The following ADI1 variants were observed in gnomAD, a reference collection of about 807,000 sequenced individuals.
ADI1 encodes acireductone dioxygenase 1, also known as acireductone dioxygenase.
Under a neutral mutation model 18.7 loss-of-function variants are expected in ADI1, and 21 were observed. The observed-to-expected ratio is 1.13, with a 90% CI of 0.80 to 1.62. The LOEUF (loss-of-function observed/expected upper bound fraction) is 1.62. Among genes scored for constraint, ADI1 ranks in the 40% most tolerant of loss-of-function variants. ADI1 has a pLI of 0.00. For synonymous variants in ADI1, 90 were observed against 100.1 expected (o/e 0.90, Z 0.60); for missense variants, 245 against 254.9 (o/e 0.96, Z 0.26).
intron 2 of ADI1, among the ~76,000 whole-genome samples, chr2:3,511,364 G>GT (rs1227779828): frequency 6.6e-6 from 1 of 151,516 alleles, no homozygotes; most frequent in Non-Finnish European, 1.5e-5. Context: ...AAATTACACA[G>GT]TAACTTCTTG....
In ADI1 at chr2:3,498,933, G is replaced by A. The variant is rs369579979; in HGVS notation, c.*30C>T. The A allele has an allele frequency of 1.1e-5, 18 of 1,584,256 alleles. No homozygotes were observed. The highest frequency in any genetic ancestry group is 1.0e-4 in the Admixed American group (6 of 58,270). On this transcript the variant is annotated 3_prime_UTR_variant, in exon 4 of 4. Transcript: ENST00000327435. ...CAGTCATTACATTGGGGACCTTTAC[G>A]AGGCACGTGTTAGTTCCCAGGCAGC...
chr2:3,507,390 C>A (rs1244390527), intron 2 of ADI1, among the ~76,000 whole-genome samples: 1 of 151,708 alleles, frequency 6.6e-6, no homozygotes, highest in Non-Finnish European at 1.5e-5. Context: ...ATTAAAACTG[C>A]AGAAAGCAAA....
At chr2:3,500,499 G>GTGACAACCCT in intron 3 of ADI1, 1 of 491,074 alleles carries the variant, frequency 2.0e-6, no homozygotes, top group Non-Finnish European at 3.7e-6. Flanking sequence ...AAGGGCTGGG[G>GTGACAACCCT]CAGGGCCAGG....
intron 2 of ADI1, among the ~76,000 whole-genome samples, chr2:3,506,307 A>C (rs1033640349): frequency 3.3e-5 from 5 of 152,262 alleles, no homozygotes; most frequent in African/African-American, 1.2e-4. Context: ...ATCCAAAAGA[A>C]TCAACAAAGA....
intron 1 of ADI1, among the ~76,000 whole-genome samples, chr2:3,518,821 C>A (rs940393597): frequency 6.6e-6 from 1 of 152,246 alleles, no homozygotes; most frequent in Non-Finnish European, 1.5e-5. Context: ...GAACTCGCAG[C>A]CCGCCTCCGG....
At chr2:3,513,216 T>C (rs1259280910) in intron 2 of ADI1, among the ~76,000 whole-genome samples, 2 of 152,194 alleles carry the variant, frequency 1.3e-5, no homozygotes, top group Non-Finnish European at 2.9e-5. Flanking sequence ...CAGATGAGAC[T>C]TTGGACTTGA....
intron 2 of ADI1, among the ~76,000 whole-genome samples, chr2:3,504,139 G>A (rs1667118616): frequency 1.3e-5 from 2 of 152,282 alleles, no homozygotes; most frequent in Middle Eastern, 3.4e-3. Context: ...CTTGACGGAC[G>A]CCGATTTCAC....
In ADI1 at chr2:3,519,361, C is replaced by T. The variant is rs1667505811; in HGVS notation, c.120+7G>A. ...CCGCACGCTCTGCGAGGCTTGGGCTCGCGTACCTTCCAGTAGAGCACCCCG... is the reference window on the plus strand; with the variant it reads ...CCGCACGCTCTGCGAGGCTTGGGCTTGCGTACCTTCCAGTAGAGCACCCCG... On this transcript the variant is annotated splice_region_variant and intron_variant, in intron 1 of 3. Coordinates refer to ENST00000327435, the MANE Select transcript of ADI1 (RefSeq NM_018269.4). The T allele has an allele frequency of 1.4e-6, 2 of 1,426,916 alleles. No individual in the cohort carries two copies. The highest frequency in any genetic ancestry group is 1.4e-5 in the South Asian group (1 of 69,712). The allele number at this position is 1,426,916 out of a possible 1,614,324, so 88.4% of individuals were successfully genotyped here. A position where few individuals can be genotyped will look rare whatever the true frequency, so the allele number is the denominator to read the frequency against.
intron 2 of ADI1, among the ~76,000 whole-genome samples, chr2:3,503,584 C>G (rs919719608): frequency 6.6e-6 from 1 of 152,100 alleles, no homozygotes; most frequent in Non-Finnish European, 1.5e-5. Flanking sequence ...GTACTCATCC[C>G]GTCCACAGAA....
At chr2:3,516,240 G>C (rs1667406524) in intron 1 of ADI1, 1 of 198,038 alleles carries the variant, frequency 5.0e-6, no homozygotes, top group Non-Finnish European at 9.1e-6. Flanking sequence ...CCAGAACTTT[G>C]GGAGGCCAAG....
At position 3,498,841 on chromosome 2, in the gene ADI1, A is replaced by G; in HGVS notation, c.*122T>C. 1.4e-6 allele frequency: 2 copies of G among 1,422,546 alleles called. No homozygotes were observed. The highest frequency in any genetic ancestry group is 9.5e-7 in the Non-Finnish European group (1 of 1,056,112). 88.1% of individuals were successfully genotyped at this position (1,422,546 alleles called of 1,614,324 possible). A position where few individuals can be genotyped will look rare whatever the true frequency, so the allele number is the denominator to read the frequency against. Reference sequence around the variant, plus strand: ...AAATATTCTGATCAAATAATCTTACAAAGGAAAGATAATCTAGCCTCAAGG... The same window carrying G: ...AAATATTCTGATCAAATAATCTTACGAAGGAAAGATAATCTAGCCTCAAGG... On this transcript the variant is annotated 3_prime_UTR_variant, in exon 4 of 4. Coordinates refer to ENST00000327435, the MANE Select transcript of ADI1 (RefSeq NM_018269.4).
chr2:3,518,814 C>T (rs982291922), intron 1 of ADI1, among the ~76,000 whole-genome samples: 3 of 152,250 alleles, frequency 2.0e-5, no homozygotes, highest in Non-Finnish European at 4.4e-5. Flanking sequence ...AGCCCACGAA[C>T]TCGCAGCCCG....
intron 2 of ADI1, among the ~76,000 whole-genome samples, chr2:3,512,479 G>C (rs891142734): frequency 6.6e-6 from 1 of 152,192 alleles, no homozygotes; most frequent in African/African-American, 2.4e-5. Flanking sequence ...CATCCCAGCT[G>C]CTCGGGTTCT....
At chr2:3,519,268 G>C in intron 1 of ADI1, 100 bp downstream of exon 1, 1 of 1,304,590 alleles carries the variant, frequency 7.7e-7, no homozygotes, top group South Asian at 2.0e-5. Context: ...GCATGCCGCG[G>C]CTCCCAGGCC....
intron 2 of ADI1, among the ~76,000 whole-genome samples, chr2:3,501,390 C>A (rs1374445745): frequency 6.6e-6 from 1 of 152,200 alleles, no homozygotes; most frequent in East Asian, 1.9e-4. Context: ...CCCAAAGACA[C>A]CCTGGCCCCA....
At chr2:3,510,780 TG>T (rs1161719540) in intron 2 of ADI1, among the ~76,000 whole-genome samples, 3 of 152,148 alleles carry the variant, frequency 2.0e-5, no homozygotes, top group Non-Finnish European at 4.4e-5. Context: ...GTAAAGAAGT[TG>T]AACTCACAGT....
At chr2:3,514,913 T>G (rs1667366424) in intron 1 of ADI1, 1 of 1,531,402 alleles carries the variant, frequency 6.5e-7, no homozygotes. Flanking sequence ...CGGACATCTA[T>G]CAGTTCTCAA....
chr2:3,511,184 T>G (rs964638555), intron 2 of ADI1, among the ~76,000 whole-genome samples: 1 of 147,406 alleles, frequency 6.8e-6, no homozygotes, highest in African/African-American at 2.7e-5. Context: ...ATTCTCTCTC[T>G]TGTTCCCATT....
At chr2:3,508,906 A>C (rs1380046611) in intron 2 of ADI1, among the ~76,000 whole-genome samples, 3 of 149,936 alleles carry the variant, frequency 2.0e-5, no homozygotes, top group Non-Finnish European at 4.4e-5. Context: ...TCTGTCAAAA[A>C]AGGAAGAAGG....
Sources: gnomAD v4.1 joint callset for allele counts (sites outside exome capture counted in the v4.1 genomes callset) on GRCh38, gnomAD v4.1.1 for gene constraint, MANE v1.5 for transcripts, NCBI Gene and HGNC (gene_info 2026-07-23, HGNC 2026-07-21) for gene names.